Variants in ARMC2 observed in about 807,000 individuals in gnomAD.
ARMC2 encodes armadillo repeat containing 2, also known as armadillo repeat-containing protein 2.
Under a neutral mutation model 90.3 loss-of-function variants are expected in ARMC2, and 67 were observed. The ratio of observed to expected loss-of-function variants is 0.74; its 90% confidence interval spans 0.61 to 0.91. The LOEUF is 0.91. Among genes scored for constraint, ARMC2 ranks in the 40% least tolerant of loss-of-function variants. The probability of loss-of-function intolerance (pLI) is 0.00; values close to 1 mark genes in which losing one functional copy is unlikely to be tolerated. For missense variants in ARMC2, 920 were observed against 1,030.9 expected (o/e 0.89, Z 1.47); for synonymous variants, 393 against 393.0 (o/e 1.00, Z 0.00).
the ARMC2 span, among the ~76,000 whole-genome samples, chr6:109,046,771 C>T: frequency 2.9e-4 from 41 of 139,118 alleles, 1 homozygote; most frequent in African/African-American, 9.7e-4. Flanking sequence ...TCTGCCCGGC[C>T]GAGACCCCGT....
At chr6:109,009,851 G>A in the ARMC2 span, among the ~76,000 whole-genome samples, 3 of 152,168 alleles carry the variant, frequency 2.0e-5, no homozygotes, top group African/African-American at 7.2e-5. Flanking sequence ...AGGGACAGGG[G>A]AATCTGCCCC....
At chr6:109,021,461 CT>C in the ARMC2 span, among the ~76,000 whole-genome samples, 129 of 146,180 alleles carry the variant, frequency 8.8e-4, no homozygotes, top group Admixed American at 9.6e-4. Flanking sequence ...CCTCATCCTT[CT>C]TTTTTTTTTT....
intron 12 of ARMC2, among the ~76,000 whole-genome samples, chr6:108,945,766 C>T (rs1776761652): frequency 6.6e-6 from 1 of 152,240 alleles, no homozygotes; most frequent in African/African-American, 2.4e-5. Flanking sequence ...GCAAAACCAC[C>T]TCCATTTTTC....
chr6:108,907,493 T>G, intron 8 of ARMC2: 1 of 590,908 alleles, frequency 1.7e-6, no homozygotes, highest in Non-Finnish European at 2.6e-6. Context: ...TCATCTTTTA[T>G]TTGGAGGTTA....
intron 10 of ARMC2, among the ~76,000 whole-genome samples, chr6:108,912,908 C>A (rs1773580981): frequency 6.6e-6 from 1 of 152,082 alleles, no homozygotes; most frequent in Admixed American, 6.5e-5. Context: ...ATGGGCCTGG[C>A]CTGGAGATGA....
intron 8 of ARMC2, among the ~76,000 whole-genome samples, chr6:108,909,641 T>C (rs1380875680): frequency 1.3e-5 from 2 of 152,190 alleles, no homozygotes; most frequent in African/African-American, 2.4e-5. Flanking sequence ...GTTCAAGTGA[T>C]TCTCCTACCT....
At chr6:108,973,288 C>A in intron 17 of ARMC2, 69 bp from the exon 18 acceptor site, 1 of 1,370,848 alleles carries the variant, frequency 7.3e-7, no homozygotes, top group Non-Finnish European at 9.9e-7. Flanking sequence ...CTCATATCAT[C>A]AAAATTAAAC....
chr6:108,936,850 T>C, intron 11 of ARMC2, 50 bp from the exon 12 acceptor site: 1 of 1,457,902 alleles, frequency 6.9e-7, no homozygotes, highest in Non-Finnish European at 9.4e-7. Flanking sequence ...TACTTGAATT[T>C]TATAGAAAAA....
chr6:108,864,463 G>T (rs1307445129), intron 3 of ARMC2, among the ~76,000 whole-genome samples: 2 of 152,024 alleles, frequency 1.3e-5, no homozygotes, highest in African/African-American at 4.8e-5. Context: ...TGGCCAGAAT[G>T]GTCTCGATCT....
intron 3 of ARMC2, among the ~76,000 whole-genome samples, chr6:108,862,869 G>C (rs1360691775): frequency 6.6e-6 from 1 of 152,216 alleles, no homozygotes; most frequent in Non-Finnish European, 1.5e-5. Context: ...CAGGGACTCA[G>C]ACAGCAGCCT....
At chr6:108,955,884 C>T (rs1777544426) in intron 13 of ARMC2, among the ~76,000 whole-genome samples, 2 of 152,260 alleles carry the variant, frequency 1.3e-5, no homozygotes, top group Admixed American at 6.5e-5. Context: ...AGGGATGGGA[C>T]TGCTGCAGAA....
At chr6:109,032,098 C>T in the ARMC2 span, among the ~76,000 whole-genome samples, 3 of 152,056 alleles carry the variant, frequency 2.0e-5, no homozygotes, top group Non-Finnish European at 4.4e-5. Flanking sequence ...GGAGAAACCC[C>T]ACCTCTACTA....
At chr6:108,887,260 A>C (rs1239898490) in intron 5 of ARMC2, among the ~76,000 whole-genome samples, 2 of 152,106 alleles carry the variant, frequency 1.3e-5, no homozygotes, top group Non-Finnish European at 2.9e-5. Flanking sequence ...TTTGGGGTGC[A>C]TGTGGTCCAA....
At chr6:109,008,166 A>T in the ARMC2 span, among the ~76,000 whole-genome samples, 1 of 152,220 alleles carries the variant, frequency 6.6e-6, no homozygotes, top group Non-Finnish European at 1.5e-5. Flanking sequence ...AGCTATCTTT[A>T]GAAATTCTAG....
intron 5 of ARMC2, among the ~76,000 whole-genome samples, chr6:108,882,064 C>T (rs1374121301): frequency 1.3e-5 from 2 of 151,692 alleles, no homozygotes; most frequent in Non-Finnish European, 2.9e-5. Flanking sequence ...GTATTACCTT[C>T]CAAAAACATG....
the ARMC2 span, among the ~76,000 whole-genome samples, chr6:108,982,630 CTTG>C: frequency 6.6e-6 from 1 of 152,172 alleles, no homozygotes; most frequent in African/African-American, 2.4e-5. Context: ...CTCACCAACA[CTTG>C]TTATTTTGGG....
At position 108,911,607 on chromosome 6, in the gene ARMC2, A is replaced by C. The variant is rs72933353; in HGVS notation, c.1126+606A>C. On this transcript the variant is annotated intron_variant, in intron 9 of 17. Coordinates refer to ENST00000392644, the MANE Select transcript of ARMC2 (RefSeq NM_032131.6). Reference sequence around the variant, plus strand: ...ATACATTGAGTTCTCTTTTTGCAACATAGGATAAATTATCTTTTCATCTTT... The same window carrying C: ...ATACATTGAGTTCTCTTTTTGCAACCTAGGATAAATTATCTTTTCATCTTT... 6.2e-3 allele frequency among the ~76,000 whole-genome samples: 937 copies of C among 152,266 alleles called. 5 individuals are homozygous for C. The highest frequency in any genetic ancestry group is 9.3e-3 in the Non-Finnish European group (635 of 67,990).
chr6:109,003,789 A>G, the ARMC2 span, among the ~76,000 whole-genome samples: 1 of 152,206 alleles, frequency 6.6e-6, no homozygotes, highest in Non-Finnish European at 1.5e-5. Flanking sequence ...GCAGCCATTT[A>G]TATACAATGA....
At chr6:109,020,948 T>C in the ARMC2 span, among the ~76,000 whole-genome samples, 3 of 152,198 alleles carry the variant, frequency 2.0e-5, no homozygotes, top group African/African-American at 4.8e-5. Context: ...GTAGAACAGT[T>C]TGCTTTGTCA....
Sources: gnomAD v4.1 joint callset for allele counts (sites outside exome capture counted in the v4.1 genomes callset) on GRCh38, gnomAD v4.1.1 for gene constraint, MANE v1.5 for transcripts, NCBI Gene and HGNC (gene_info 2026-07-23, HGNC 2026-07-21) for gene names.